SI: variants seen among roughly 807,000 people sequenced by gnomAD.
SI encodes sucrase-isomaltase.
A neutral mutation model predicts 253.3 loss-of-function variants in SI; 235 were observed. That is an observed-to-expected ratio of 0.93 (90% CI 0.83 to 1.03). The LOEUF is 1.03. Among genes scored for constraint, SI ranks in the 50% least tolerant of loss-of-function variants. The pLI is 0.00. For synonymous variants in SI, 819 were observed against 712.0 expected, an observed-to-expected ratio of 1.15 and a Z score of -2.39; for missense variants, 2,442 against 2,211.1, an observed-to-expected ratio of 1.10 and a Z score of -2.09.
At chr3:165,003,155 A>T (rs545872861) in intron 37 of SI, among the ~76,000 whole-genome samples, 3 of 151,892 alleles carry the variant, frequency 2.0e-5, no homozygotes, top group Admixed American at 1.3e-4. Flanking sequence ...TTTACTAAGC[A>T]TCCACAATGT....
chr3:165,019,966 A>G (rs2108180503), intron 27 of SI, among the ~76,000 whole-genome samples, 196 bp from the exon 28 acceptor site: 1 of 151,962 alleles, frequency 6.6e-6, no homozygotes, highest in East Asian at 1.9e-4. Context: ...AGGAATATGT[A>G]AAATATGCTT....
intron 22 of SI, among the ~76,000 whole-genome samples, chr3:165,035,966 T>G (rs73877386): frequency 0.11 from 15,991 of 151,782 alleles, 911 homozygotes; most frequent in South Asian, 0.15. Context: ...GATGATATTC[T>G]TACCTCAAAT....
the SI span, among the ~76,000 whole-genome samples, chr3:165,087,178 G>A: frequency 6.6e-6 from 1 of 152,042 alleles, no homozygotes; most frequent in Non-Finnish European, 1.5e-5. Flanking sequence ...TTGGAGAATG[G>A]GTAGAAATAT....
In SI at chr3:165,006,755, C is replaced by T; in HGVS notation, c.4406+61G>A. 4 of 1,436,058 alleles carry T rather than the reference C, an allele frequency of 2.8e-6. No homozygotes were observed. The South Asian group carries it at 3.5e-5, about 12-fold the overall frequency. 89.0% of individuals were successfully genotyped at this position (1,436,058 alleles called of 1,614,324 possible). On this transcript the variant is annotated intron_variant, in intron 37 of 47. Coordinates refer to ENST00000264382, the MANE Select transcript of SI (RefSeq NM_001041.4). ...ATTGTCGGGACTGTTAAAATGATAA[C>T]ATTAAATGTAAGAACCAAAGAATAA... is the stretch of plus-strand genomic sequence containing the variant.
At chr3:164,980,796 AT>A (rs1401560035) in intron 47 of SI, among the ~76,000 whole-genome samples, 1 of 151,980 alleles carries the variant, frequency 6.6e-6, no homozygotes, top group Non-Finnish European at 1.5e-5. Flanking sequence ...AAATATTAAA[AT>A]ATCTTATTTG....
At chr3:165,064,022 A>T (rs1714103586) in intron 7 of SI, among the ~76,000 whole-genome samples, 1 of 151,444 alleles carries the variant, frequency 6.6e-6, no homozygotes, top group African/African-American at 2.4e-5. Context: ...GTGATTTGAG[A>T]TACCCTCACT....
chr3:165,089,211 G>C, the SI span, among the ~76,000 whole-genome samples: 1 of 151,738 alleles, frequency 6.6e-6, no homozygotes, highest in South Asian at 2.1e-4. Context: ...TGTCCTTCTA[G>C]AATTCAGACG....
chr3:165,030,867 C>A lies in SI; in HGVS notation c.2737G>T (p.Val913Phe), dbSNP rs200328496. ...SNFTYDASNQVLLIADLKLNL... is the reference protein window; with the variant it reads ...SNFTYDASNQFLLIADLKLNL... ...AGTTTGAGATCTGCAATTAGGAGAA[C>A]CTTTGAAGACAAAAAAAAAAAAAGA... is the stretch of plus-strand genomic sequence containing the variant. Residue 913 changes from valine (V) to phenylalanine (F), a missense_variant and splice_region_variant, in exon 25 of 48, where the codon GTT (valine) becomes TTT (phenylalanine). Transcript: ENST00000264382. 83 of 1,411,726 alleles carry A rather than the reference C, an allele frequency of 5.9e-5. No individual in the cohort carries two copies. In the African/African-American group the frequency reaches 1.0e-3, roughly 18 times the overall value. The allele number at this position is 1,411,726 out of a possible 1,614,324, so 87.4% of individuals were successfully genotyped here. A position where few individuals can be genotyped will look rare whatever the true frequency, so the allele number is the denominator to read the frequency against.
intron 7 of SI, among the ~76,000 whole-genome samples, chr3:165,064,501 A>T (rs11920645): frequency 6.6e-6 from 1 of 152,166 alleles, no homozygotes; most frequent in Non-Finnish European, 1.5e-5. Context: ...TAGCATTGCC[A>T]TTTAAAAAGA....
chr3:165,001,534 T>A (rs561507243), intron 37 of SI, among the ~76,000 whole-genome samples: 1 of 151,588 alleles, frequency 6.6e-6, no homozygotes, highest in South Asian at 2.1e-4. Context: ...AATTTGAAAT[T>A]TCCTTTAGCA....
intron 12 of SI, 115 bp downstream of exon 12, chr3:165,058,848 G>T: frequency 5.2e-6 from 2 of 382,070 alleles, no homozygotes; most frequent in Non-Finnish European, 4.3e-6. Flanking sequence ...ATTCAGACTT[G>T]AAAGCAGACA....
At chr3:165,006,313 T>C (rs1247505729) in intron 37 of SI, among the ~76,000 whole-genome samples, 1 of 152,076 alleles carries the variant, frequency 6.6e-6, no homozygotes, top group Admixed American at 6.6e-5. Flanking sequence ...TTTCACCATT[T>C]TGGCCAGGCT....
At position 165,032,777 on chromosome 3, in the gene SI, A is replaced by G. The variant is rs908597924; in HGVS notation, c.2566-85T>C. ...AATACCGATAAGAAATAGCAAAAAA[A>G]GGTCATCATCTACATCTCTATTCCC... On this transcript the variant is annotated intron_variant, in intron 23 of 47. Coordinates refer to ENST00000264382, the MANE Select transcript of SI (RefSeq NM_001041.4). The G allele has an allele frequency of 3.4e-6, 3 of 876,948 alleles. No individual in the cohort carries two copies. The African/African-American group carries it at 5.1e-5, about 15-fold the overall frequency. The allele number at this position is 876,948 out of a possible 1,614,324, so 54.3% of individuals were successfully genotyped here.
At chr3:165,058,894 C>G (rs1576915209) in intron 12 of SI, 69 bp downstream of exon 12, 67 of 748,932 alleles carry the variant, frequency 8.9e-5, no homozygotes, top group Non-Finnish European at 1.3e-4. Context: ...ACACGCACAT[C>G]CACAGAAACT....
At chr3:165,081,417 G>T (rs1171030275), upstream of SI, among the ~76,000 whole-genome samples, 1 of 151,904 alleles carries the variant, frequency 6.6e-6, no homozygotes, top group Non-Finnish European at 1.5e-5. Flanking sequence ...TCTTTAGGGA[G>T]TATTATGTAC....
At chr3:165,038,927 TA>T (rs1712674994) in intron 20 of SI, 150 bp downstream of exon 20, 2 of 555,412 alleles carry the variant, frequency 3.6e-6, no homozygotes, top group African/African-American at 3.8e-5. Context: ...AACACATTTT[TA>T]AAGTCTGAAA....
the SI span, among the ~76,000 whole-genome samples, chr3:165,084,067 TA>T: frequency 6.6e-6 from 1 of 151,996 alleles, no homozygotes; most frequent in Non-Finnish European, 1.5e-5. Context: ...TATTAGGAAT[TA>T]GGGCTTTTGG....
At position 165,006,927 on chromosome 3, in the gene SI, T is replaced by C. The variant is rs1718540469; in HGVS notation, c.4295A>G (p.His1432Arg). 5 of 1,611,662 alleles carry C rather than the reference T, an allele frequency of 3.1e-6. No individual in the cohort carries two copies. Among genetic ancestry groups the C allele is most frequent in the Non-Finnish European group, 3.4e-6 (4 of 1,178,150 alleles). Residue 1432 changes from histidine (H) to arginine (R), a missense_variant, in exon 37 of 48, where the codon CAT (histidine) becomes CGT (arginine). Physicochemically the swap from His to Arg is conservative, Grantham distance 29. Transcript: ENST00000264382. ...PELTKRTDGL[H>R]FRTICMEAEQ... ...AGCTTCCATGCAAATTGTTCTGAAA[T>C]GTAATCCATCAGTTCTTTTTGTGAG...
intron 44 of SI, among the ~76,000 whole-genome samples, chr3:164,989,690 C>T (rs1717639047): frequency 6.6e-6 from 1 of 152,014 alleles, no homozygotes; most frequent in African/African-American, 2.4e-5. Context: ...AAAGAGACAC[C>T]TCCAAGCAAT....
Sources: gnomAD v4.1 joint callset for allele counts (sites outside exome capture counted in the v4.1 genomes callset) on GRCh38, gnomAD v4.1.1 for gene constraint, MANE v1.5 for transcripts, NCBI Gene and HGNC (gene_info 2026-07-23, HGNC 2026-07-21) for gene names.